TMEM108: variants seen among roughly 807,000 people sequenced by gnomAD.
TMEM108 encodes the protein cancer/testis antigen 124.
Under a neutral mutation model 35.1 loss-of-function variants are expected in TMEM108, and 12 were observed. That is an observed-to-expected ratio of 0.34 (90% CI 0.22 to 0.55). TMEM108 has a LOEUF of 0.55. TMEM108 is among the 20% of genes least tolerant of loss of function. The probability of loss-of-function intolerance (pLI) is 0.89; values close to 1 mark genes in which losing one functional copy is unlikely to be tolerated. For synonymous variants in TMEM108, 287 were observed against 308.6 expected, an observed-to-expected ratio of 0.93 and a Z score of 0.73; for missense variants, 680 against 753.3, an observed-to-expected ratio of 0.90 and a Z score of 1.14.
chr3:133,306,890 A>G (rs932974111), intron 3 of TMEM108, among the ~76,000 whole-genome samples: 1 of 152,156 alleles, frequency 6.6e-6, no homozygotes, highest in African/African-American at 2.4e-5. Context: ...TATACCCAGT[A>G]ATGAAATCGC....
chr3:133,150,317 C>G (rs1160085893), intron 2 of TMEM108, among the ~76,000 whole-genome samples: 1 of 141,100 alleles, frequency 7.1e-6, no homozygotes, highest in Non-Finnish European at 1.5e-5. Context: ...GGTCCTTTGC[C>G]CATTTAAAAA....
intron 3 of TMEM108, chr3:133,248,542 T>C (rs1398960613): frequency 1.3e-5 from 2 of 152,244 alleles, no homozygotes; most frequent in South Asian, 2.1e-4. Context: ...CCTTGCAGTA[T>C]GCTTTATCTT....
chr3:133,098,063 G>A (rs942625086), intron 2 of TMEM108, among the ~76,000 whole-genome samples: 12 of 152,300 alleles, frequency 7.9e-5, no homozygotes, highest in African/African-American at 2.9e-4. Context: ...AAGAGGACAG[G>A]TGTAGCAGCT....
At chr3:133,264,760 A>G (rs955497306) in intron 3 of TMEM108, among the ~76,000 whole-genome samples, 1 of 152,334 alleles carries the variant, frequency 6.6e-6, no homozygotes, top group Admixed American at 6.5e-5. Context: ...GTCATTCGTA[A>G]AACAAGCAGT....
chr3:133,351,640 C>T (rs1432616851), intron 3 of TMEM108, among the ~76,000 whole-genome samples: 3 of 152,144 alleles, frequency 2.0e-5, no homozygotes, highest in African/African-American at 7.2e-5. Context: ...GCCATGATGG[C>T]TGTACCAGAC....
chr3:133,325,093 A>C (rs2071313890), intron 3 of TMEM108, among the ~76,000 whole-genome samples: 1 of 152,188 alleles, frequency 6.6e-6, no homozygotes, highest in Non-Finnish European at 1.5e-5. Flanking sequence ...CCCATCAACC[A>C]ACAAGTGGTT....
At chr3:133,356,095 C>G (rs1165550327) in intron 3 of TMEM108, among the ~76,000 whole-genome samples, 2 of 151,964 alleles carry the variant, frequency 1.3e-5, no homozygotes, top group African/African-American at 4.8e-5. Context: ...ATCCAAAAGG[C>G]TCCTAGATCT....
intron 2 of TMEM108, among the ~76,000 whole-genome samples, chr3:133,105,431 T>G (rs1203647413): frequency 6.6e-6 from 1 of 152,200 alleles, no homozygotes; most frequent in Non-Finnish European, 1.5e-5. Flanking sequence ...AATGCATCTC[T>G]CTCAGTAACT....
intron 2 of TMEM108, among the ~76,000 whole-genome samples, chr3:133,071,056 G>A (rs1943670103): frequency 6.6e-6 from 1 of 152,080 alleles, no homozygotes; most frequent in South Asian, 2.1e-4. Context: ...AATGCCTGGT[G>A]TGCAAAATGT....
At position 133,159,805 on chromosome 3, in the gene TMEM108, A is replaced by G. The variant is rs115338063; in HGVS notation, c.-46-69461A>G. On this transcript the variant is annotated intron_variant, in intron 2 of 5. Coordinates refer to ENST00000321871, the MANE Select transcript of TMEM108 (RefSeq NM_023943.4). ...CTAGGACCTCTCTTCTTTAACTGCTACTCTATGCCCATCCTGTATCCCTTC... is the reference window on the plus strand; with the variant it reads ...CTAGGACCTCTCTTCTTTAACTGCTGCTCTATGCCCATCCTGTATCCCTTC... Among the ~76,000 whole-genome samples, 554 of 152,042 alleles carry G rather than the reference A, an allele frequency of 3.6e-3. 3 individuals are homozygous for G. Among genetic ancestry groups the G allele is most frequent in the African/African-American group, 0.013 (527 of 41,472 alleles).
At chr3:133,309,741 C>T (rs1470373824) in intron 3 of TMEM108, among the ~76,000 whole-genome samples, 1 of 119,650 alleles carries the variant, frequency 8.4e-6, no homozygotes, top group African/African-American at 3.2e-5. Flanking sequence ...CGCTCTGTCG[C>T]CCAGGCTGGA....
chr3:133,119,291 T>G (rs1944324219), intron 2 of TMEM108: 2 of 152,088 alleles, frequency 1.3e-5, no homozygotes, highest in Admixed American at 1.3e-4. Flanking sequence ...ACTCTCCGGT[T>G]CCATTCAGCA....
chr3:133,377,820 A>G (rs1007011491), intron 3 of TMEM108, among the ~76,000 whole-genome samples: 7 of 152,176 alleles, frequency 4.6e-5, no homozygotes, highest in African/African-American at 1.7e-4. Context: ...CATCACCGCC[A>G]GAGCGTTACT....
chr3:133,158,382 C>A (rs1250758691), intron 2 of TMEM108, among the ~76,000 whole-genome samples: 2 of 145,690 alleles, frequency 1.4e-5, no homozygotes, highest in African/African-American at 5.1e-5. Context: ...GCAGGAGAAT[C>A]ACTTAAACCC....
At chr3:133,187,424 T>C (rs1945436401) in intron 2 of TMEM108, among the ~76,000 whole-genome samples, 1 of 152,012 alleles carries the variant, frequency 6.6e-6, no homozygotes, top group Non-Finnish European at 1.5e-5. Context: ...TCAGCCTGAG[T>C]CTCCAAGGCT....
intron 3 of TMEM108, among the ~76,000 whole-genome samples, chr3:133,274,946 T>C (rs1219669437): frequency 6.6e-6 from 1 of 152,216 alleles, no homozygotes; most frequent in Non-Finnish European, 1.5e-5. Context: ...TTAGATCTGC[T>C]AAGAAATATC....
intron 2 of TMEM108, among the ~76,000 whole-genome samples, chr3:133,219,177 T>A (rs1176191230): frequency 6.6e-6 from 1 of 152,146 alleles, no homozygotes; most frequent in East Asian, 1.9e-4. Flanking sequence ...CATATAATTG[T>A]CCACAGTAGT....
chr3:133,129,582 G>C (rs2107742536), intron 2 of TMEM108, among the ~76,000 whole-genome samples: 1 of 152,246 alleles, frequency 6.6e-6, no homozygotes, highest in South Asian at 2.1e-4. Context: ...TCCTGGGAAG[G>C]CTTCTTTTAG....
At position 133,165,051 on chromosome 3, in the gene TMEM108, T is replaced by G. The variant is rs144702572; in HGVS notation, c.-46-64215T>G. ...AATATAAATACTTATTAAAAATAAATTATATGAAATGCCATTTGATTCTCT... is the reference window on the plus strand; with the variant it reads ...AATATAAATACTTATTAAAAATAAAGTATATGAAATGCCATTTGATTCTCT... On this transcript the variant is annotated intron_variant, in intron 2 of 5. Transcript: ENST00000321871. Among the ~76,000 whole-genome samples, 12 of 152,326 alleles carry G rather than the reference T, an allele frequency of 7.9e-5. No individual in the cohort carries two copies. The East Asian group carries it at 2.3e-3, about 29-fold the overall frequency.
Sources: gnomAD v4.1 joint callset for allele counts (sites outside exome capture counted in the v4.1 genomes callset) on GRCh38, gnomAD v4.1.1 for gene constraint, MANE v1.5 for transcripts, NCBI Gene and HGNC (gene_info 2026-07-23, HGNC 2026-07-21) for gene names.